The following C8A variants were observed in gnomAD, a reference collection of about 807,000 sequenced individuals.
C8A encodes the protein complement C8 alpha chain, also known as complement component C8 alpha chain.
In C8A, 67 loss-of-function variants were observed where a neutral mutation model predicts 65.3. The observed-to-expected ratio is 1.03, with a 90% CI of 0.84 to 1.26. C8A has a LOEUF of 1.26. Among genes scored for constraint, C8A ranks in the 50% most tolerant of loss-of-function variants. The pLI is 0.00. For missense variants in C8A, 781 were observed against 723.9 expected (o/e 1.08, Z -0.90); for synonymous variants, 290 against 259.4 (o/e 1.12, Z -1.13).
chr1:56,885,315 A>AATATATATTTATTTAAAT (rs60530575), intron 6 of C8A, among the ~76,000 whole-genome samples: 1 of 117,038 alleles, frequency 8.5e-6, no homozygotes, highest in African/African-American at 3.9e-5. Flanking sequence ...TATTTACATA[A>AATATATATTTATTTAAAT]ATATATTTAT....
chr1:56,877,025 T>C (rs567979930), intron 4 of C8A, among the ~76,000 whole-genome samples: 94 of 152,308 alleles, frequency 6.2e-4, no homozygotes, highest in African/African-American at 1.8e-3. Flanking sequence ...AGGACCCTAA[T>C]TCAAGAGGAC....
At chr1:56,861,550 A>G (rs972301651) in intron 1 of C8A, among the ~76,000 whole-genome samples, 2 of 152,154 alleles carry the variant, frequency 1.3e-5, no homozygotes, top group Non-Finnish European at 2.9e-5. Context: ...ACACTGCCAC[A>G]TCGGGAATCA....
chr1:56,883,452 A>G lies in C8A; in HGVS notation c.655-29A>G, dbSNP rs540319321. 12 of 1,582,858 alleles carry G rather than the reference A, an allele frequency of 7.6e-6. No homozygotes were observed. In the East Asian group the frequency reaches 2.5e-4, roughly 32 times the overall value. Reference sequence around the variant, plus strand: ...ATTGAGAAATGGCTCTATGTGCACAAAGCTAATATCTATCCTTTTTTTTTT... The same window carrying G: ...ATTGAGAAATGGCTCTATGTGCACAGAGCTAATATCTATCCTTTTTTTTTT... On this transcript the variant is annotated intron_variant, in intron 5 of 10. Transcript: ENST00000361249.
intron 1 of C8A, among the ~76,000 whole-genome samples, chr1:56,860,825 GAAGA>G (rs924047414): frequency 6.6e-6 from 1 of 152,222 alleles, no homozygotes; most frequent in African/African-American, 2.4e-5. Context: ...AAGAGAAAAA[GAAGA>G]AAGACCGGAC....
intron 4 of C8A, among the ~76,000 whole-genome samples, chr1:56,877,894 T>C (rs943994526): frequency 5.9e-5 from 9 of 152,156 alleles, no homozygotes; most frequent in Non-Finnish European, 1.0e-4. Flanking sequence ...TAAGTGCATG[T>C]AGATATACAC....
chr1:56,860,587 T>A (rs1644024395), intron 1 of C8A, among the ~76,000 whole-genome samples: 1 of 152,162 alleles, frequency 6.6e-6, no homozygotes, highest in Admixed American at 6.5e-5. Context: ...CAGGAAGGCA[T>A]AACAAGGAGC....
intron 1 of C8A, among the ~76,000 whole-genome samples, chr1:56,859,741 G>A (rs921067683): frequency 1.4e-5 from 2 of 145,508 alleles, no homozygotes; most frequent in South Asian, 2.4e-4. Flanking sequence ...TAGCGATGGA[G>A]TTAGTCAATA....
chr1:56,906,825 G>A (rs1478508817), intron 8 of C8A, 33 bp downstream of exon 8: 1 of 1,613,658 alleles, frequency 6.2e-7, no homozygotes, highest in Admixed American at 1.7e-5. Context: ...CCCAAAAAGA[G>A]AAGCCAGGCT....
At chr1:56,879,322 CAT>C (rs745550076) in intron 4 of C8A, among the ~76,000 whole-genome samples, 7 of 152,196 alleles carry the variant, frequency 4.6e-5, no homozygotes, top group Non-Finnish European at 1.0e-4. Flanking sequence ...GTTTTGTACA[CAT>C]GTGTGGATAT....
intron 2 of C8A, among the ~76,000 whole-genome samples, chr1:56,869,905 T>C (rs973215996): frequency 2.0e-5 from 3 of 152,180 alleles, no homozygotes; most frequent in Non-Finnish European, 4.4e-5. Context: ...AGTGAGGTGC[T>C]CTGGGAATGT....
intron 1 of C8A, among the ~76,000 whole-genome samples, chr1:56,858,914 C>A (rs540864277): frequency 6.6e-6 from 1 of 152,192 alleles, no homozygotes; most frequent in Admixed American, 6.5e-5. Context: ...TCCTAAGCTT[C>A]ATTTTTTGTT....
chr1:56,866,726 T>C (rs1644092305), intron 1 of C8A, among the ~76,000 whole-genome samples: 2 of 152,224 alleles, frequency 1.3e-5, no homozygotes, highest in Admixed American at 6.5e-5. Context: ...AGTGGTACTA[T>C]GGGAAGAGGC....
intron 7 of C8A, among the ~76,000 whole-genome samples, chr1:56,901,258 C>T (rs909158111): frequency 2.0e-4 from 31 of 152,268 alleles, no homozygotes; most frequent in African/African-American, 7.2e-4. Context: ...CAATGTAGCA[C>T]ATAAATCACA....
intron 10 of C8A, among the ~76,000 whole-genome samples, chr1:56,913,917 T>C (rs1644530292): frequency 1.3e-5 from 2 of 152,164 alleles, no homozygotes; most frequent in South Asian, 4.1e-4. Flanking sequence ...AGTGGGAGCC[T>C]GATACAGACG....
Position 56,893,700 on chromosome 1 carries a change from C to A in C8A, c.1096+7533C>A, listed in dbSNP as rs575314385. On this transcript the variant is annotated intron_variant, in intron 7 of 10. Coordinates refer to ENST00000361249, the MANE Select transcript of C8A (RefSeq NM_000562.3). ...ATCATCTTAAGTTTCAATTTCCTCA[C>A]CTGCAAGCTGGAAATACTGTCATCT... 2.0e-5 allele frequency among the ~76,000 whole-genome samples: 3 copies of A among 152,222 alleles called. No individual in the cohort carries two copies. The South Asian group carries it at 6.2e-4, about 32-fold the overall frequency.
intron 4 of C8A, among the ~76,000 whole-genome samples, chr1:56,879,815 T>G (rs1481426579): frequency 1.3e-5 from 2 of 152,200 alleles, no homozygotes; most frequent in East Asian, 3.8e-4. Flanking sequence ...ATACATTGAA[T>G]TTCTACAATC....
chr1:56,881,702 T>G (rs565427175), intron 5 of C8A, 68 bp downstream of exon 5: 1 of 1,410,466 alleles, frequency 7.1e-7, no homozygotes, highest in South Asian at 1.2e-5. Context: ...GGCCTATTTG[T>G]GGAGATGACT....
intron 4 of C8A, among the ~76,000 whole-genome samples, chr1:56,877,906 T>G (rs780312710): frequency 4.6e-5 from 7 of 152,134 alleles, no homozygotes; most frequent in Non-Finnish European, 5.9e-5. Flanking sequence ...GATATACACA[T>G]ATAAAAAGAT....
chr1:56,866,596 G>A (rs2101197943), intron 1 of C8A, among the ~76,000 whole-genome samples: 1 of 152,224 alleles, frequency 6.6e-6, no homozygotes, highest in East Asian at 1.9e-4. Context: ...TCCTACACTA[G>A]GGTTATAATC....
Sources: gnomAD v4.1 joint callset for allele counts (sites outside exome capture counted in the v4.1 genomes callset) on GRCh38, gnomAD v4.1.1 for gene constraint, MANE v1.5 for transcripts, NCBI Gene and HGNC (gene_info 2026-07-23, HGNC 2026-07-21) for gene names.